GALNTL6: variants seen among roughly 807,000 people sequenced by gnomAD.
The protein encoded by GALNTL6 is polypeptide N-acetylgalactosaminyltransferase-like 6.
A neutral mutation model predicts 73.7 loss-of-function variants in GALNTL6; 46 were observed. The ratio of observed to expected loss-of-function variants is 0.62; its 90% CI spans 0.49 to 0.80. The LOEUF (loss-of-function observed/expected upper bound fraction) is 0.80. GALNTL6 is among the 30% of genes least tolerant of loss of function. The pLI is 0.00. For missense variants in GALNTL6, 604 were observed against 755.0 expected (o/e 0.80, Z 2.34); for synonymous variants, 259 against 263.7 (o/e 0.98, Z 0.17).
chr4:172,469,547 C>A (rs536501755), intron 5 of GALNTL6, among the ~76,000 whole-genome samples: 106 of 152,266 alleles, frequency 7.0e-4, no homozygotes, highest in African/African-American at 2.4e-3. Flanking sequence ...AACACTTGAG[C>A]CCAGGATTTG....
intron 5 of GALNTL6, among the ~76,000 whole-genome samples, chr4:172,782,485 G>A (rs1307700630): frequency 1.3e-5 from 2 of 152,004 alleles, no homozygotes; most frequent in African/African-American, 4.8e-5. Flanking sequence ...CTTTTTCATT[G>A]GACAGGTATT....
At chr4:172,226,394 A>G (rs1051035583) in intron 2 of GALNTL6, among the ~76,000 whole-genome samples, 2 of 152,202 alleles carry the variant, frequency 1.3e-5, no homozygotes, top group African/African-American at 2.4e-5. Flanking sequence ...ACAACCTGCT[A>G]TGATTAGGAT....
At chr4:172,293,451 CT>C (rs77417647) in intron 3 of GALNTL6, among the ~76,000 whole-genome samples, 4 of 1,658 alleles carry the variant, frequency 2.4e-3, no homozygotes, top group African/African-American at 2.7e-3. Flanking sequence ...AATGAAAAAC[CT>C]CAAGTTTGAG....
chr4:172,586,952 A>T (rs1737434259), intron 5 of GALNTL6, among the ~76,000 whole-genome samples: 1 of 152,200 alleles, frequency 6.6e-6, no homozygotes, highest in African/African-American at 2.4e-5. Flanking sequence ...TGTAAAAATT[A>T]ATGAAGTCTT....
intron 7 of GALNTL6, among the ~76,000 whole-genome samples, chr4:172,845,804 T>A (rs1237363651): frequency 2.0e-5 from 3 of 152,238 alleles, no homozygotes; most frequent in Non-Finnish European, 4.4e-5. Context: ...ATGTTAATTC[T>A]CAGTACAGGT....
Position 172,149,049 on chromosome 4 carries a change from C to T in GALNTL6, c.139-80607C>T, listed in dbSNP as rs141388994. The stretch of plus-strand genomic sequence containing the variant: ...AGTTTACCCTTCACCCCAGCTCCCA[C>T]ATATGCTGTAAAGCTTATTTGTTAG... On this transcript the variant is annotated intron_variant, in intron 2 of 12. Transcript: ENST00000506823. 3.9e-4 allele frequency among the ~76,000 whole-genome samples: 60 copies of T among 152,304 alleles called. 1 individual carries two copies. In the East Asian group the frequency reaches 0.011, roughly 28 times the overall value.
chr4:172,156,576 A>ATG (rs1560945859), intron 2 of GALNTL6, among the ~76,000 whole-genome samples: 4 of 139,838 alleles, frequency 2.9e-5, no homozygotes, highest in African/African-American at 1.1e-4. Flanking sequence ...TACATACTAT[A>ATG]TATATATAGT....
chr4:172,370,567 C>T (rs762138609), intron 5 of GALNTL6, among the ~76,000 whole-genome samples: 1 of 137,372 alleles, frequency 7.3e-6, no homozygotes, highest in Non-Finnish European at 1.5e-5. Context: ...GGAGTCAGAG[C>T]TTGCAGTGAG....
intron 2 of GALNTL6, among the ~76,000 whole-genome samples, chr4:171,817,778 C>G (rs909252533): frequency 6.6e-6 from 1 of 151,256 alleles, no homozygotes; most frequent in East Asian, 1.9e-4. Context: ...CAAAGAGGAT[C>G]GATATAACAG....
chr4:172,927,391 A>T (rs1169507221), intron 8 of GALNTL6, among the ~76,000 whole-genome samples: 1 of 152,174 alleles, frequency 6.6e-6, no homozygotes, highest in Admixed American at 6.5e-5. Flanking sequence ...GTGATCCATA[A>T]ATTTTGGTTA....
chr4:172,502,851 G>C (rs559894224), intron 5 of GALNTL6, among the ~76,000 whole-genome samples: 1 of 152,142 alleles, frequency 6.6e-6, no homozygotes, highest in South Asian at 2.1e-4. Context: ...GTTCTGTCAC[G>C]GTCAAGAGCA....
intron 5 of GALNTL6, among the ~76,000 whole-genome samples, chr4:172,598,895 T>C (rs1212358406): frequency 6.6e-6 from 1 of 152,174 alleles, no homozygotes; most frequent in Non-Finnish European, 1.5e-5. Flanking sequence ...ATTTCTTTCT[T>C]GTTCAGAAAG....
At chr4:172,396,193 C>G (rs1215329534) in intron 5 of GALNTL6, among the ~76,000 whole-genome samples, 1 of 152,092 alleles carries the variant, frequency 6.6e-6, no homozygotes, top group African/African-American at 2.4e-5. Context: ...TGACCTGAGC[C>G]CTTCCTCGGG....
chr4:172,245,227 A>T (rs1737582815), intron 3 of GALNTL6, among the ~76,000 whole-genome samples: 1 of 152,086 alleles, frequency 6.6e-6, no homozygotes, highest in South Asian at 2.1e-4. Flanking sequence ...CAAAATGTAA[A>T]TTTGTATTTT....
intron 2 of GALNTL6, among the ~76,000 whole-genome samples, chr4:171,913,771 A>G (rs868665131): frequency 5.3e-4 from 81 of 152,332 alleles, no homozygotes; most frequent in Middle Eastern, 6.8e-3. Flanking sequence ...TTACATTTCT[A>G]GTTTATATGA....
intron 12 of GALNTL6, among the ~76,000 whole-genome samples, chr4:173,031,345 A>G (rs1040280700): frequency 6.6e-6 from 1 of 152,242 alleles, no homozygotes; most frequent in African/African-American, 2.4e-5. Context: ...AGATTTGCAT[A>G]CAGAAATAGA....
chr4:171,950,277 A>C (rs1245603920), intron 2 of GALNTL6, among the ~76,000 whole-genome samples: 1 of 152,202 alleles, frequency 6.6e-6, no homozygotes, highest in Non-Finnish European at 1.5e-5. Context: ...TCACTCAAAA[A>C]TGATAAGGAA....
Position 172,952,046 on chromosome 4 carries a change from C to T in GALNTL6, c.1159C>T (p.Arg387Trp). ...SGTSLARNLK[R>W]VAETWMDEFA... ...TTTTCCTGCTGCACAGAACCTGAAG[C>T]GGGTAGCTGAGACCTGGATGGATGA... The change falls in exon 10 of 13, where the codon CGG (arginine) becomes TGG (tryptophan). Residue 387 changes from arginine to tryptophan, a missense_variant. Physicochemically the swap from Arg to Trp is moderately radical, Grantham distance 101 (BLOSUM62 -3). Coordinates refer to ENST00000506823, the MANE Select transcript of GALNTL6 (RefSeq NM_001034845.3). 1.9e-6 allele frequency: 3 copies of T among 1,612,944 alleles called. No homozygotes were observed. The highest frequency in any genetic ancestry group is 2.5e-6 in the Non-Finnish European group (3 of 1,179,240).
chr4:172,294,198 T>C (rs899896608), intron 3 of GALNTL6, among the ~76,000 whole-genome samples: 10 of 152,198 alleles, frequency 6.6e-5, no homozygotes, highest in Non-Finnish European at 1.3e-4. Flanking sequence ...TTTCTAATCT[T>C]TTTTATTTTG....
Sources: allele counts gnomAD v4.1 joint callset (sites outside exome capture counted in the v4.1 genomes callset), GRCh38; gene constraint gnomAD v4.1.1; transcripts MANE v1.5; gene names NCBI Gene and HGNC (gene_info 2026-07-23, HGNC 2026-07-21).